The following SPEF2 variants were observed in gnomAD, a reference collection of about 807,000 sequenced individuals.
SPEF2 encodes sperm flagella and cilia-associated protein 2.
A neutral mutation model predicts 224.6 loss-of-function variants in SPEF2; 187 were observed. The observed-to-expected ratio is 0.83, with a 90% CI of 0.74 to 0.94. SPEF2 has a LOEUF of 0.94. Among genes scored for constraint, SPEF2 ranks in the 40% least tolerant of loss-of-function variants. The pLI is 0.00. For synonymous variants in SPEF2, 715 were observed against 707.3 expected (o/e 1.01, Z -0.17); for missense variants, 2,170 against 2,135.6 (o/e 1.02, Z -0.32).
intron 36 of SPEF2, among the ~76,000 whole-genome samples, chr5:35,810,508 C>A (rs1419261500): frequency 1.3e-5 from 2 of 152,168 alleles, no homozygotes; most frequent in African/African-American, 4.8e-5. Context: ...TTATACATTC[C>A]CCTCATTTCT....
intron 21 of SPEF2, among the ~76,000 whole-genome samples, chr5:35,733,138 G>A (rs997337019): frequency 5.3e-5 from 8 of 150,712 alleles, no homozygotes; most frequent in Admixed American, 5.3e-4. Flanking sequence ...TTTTTGAGAT[G>A]GAGTCTCGCT....
rs1367196400 is a variant in SPEF2, at chr5:35,814,495, A to C, written c.5411A>C (p.His1804Pro). The C allele has an allele frequency of 1.2e-6, 2 of 1,608,660 alleles. No individual in the cohort carries two copies. The highest frequency in any genetic ancestry group is 4.5e-5 in the East Asian group (2 of 44,684). Residue 1804 changes from histidine (H) to proline (P), a missense_variant, in exon 37 of 37, where the codon CAT becomes CCT. By Grantham distance (77) the His-to-Pro change is moderately conservative. Coordinates refer to ENST00000356031, the MANE Select transcript of SPEF2 (RefSeq NM_024867.4). ...AAAATAATTCTCCAAAGGAGTGAAC[A>C]TGTACAAGGAAGTGATGGAGAGAGA... ...DIKIILQRSE[H>P]VQGSDGERSP... is the part of the protein sequence containing the mutation.
chr5:35,689,575 T>G (rs1754154976), intron 10 of SPEF2, among the ~76,000 whole-genome samples: 2 of 152,290 alleles, frequency 1.3e-5, no homozygotes, highest in African/African-American at 4.8e-5. Context: ...ACTCAATGTT[T>G]AGCTCTCACT....
chr5:35,744,227 A>G (rs564778365), intron 23 of SPEF2, among the ~76,000 whole-genome samples: 72 of 152,332 alleles, frequency 4.7e-4, no homozygotes, highest in African/African-American at 1.7e-3. Context: ...TTTTGTAAGA[A>G]TAGACATTTA....
intron 19 of SPEF2, chr5:35,710,660 A>C: frequency 2.0e-6 from 2 of 985,182 alleles, no homozygotes; most frequent in Non-Finnish European, 1.2e-6. Flanking sequence ...CTATGACTCT[A>C]GGTTAAAGCT....
chr5:35,647,527 C>T (rs1430130295), intron 5 of SPEF2, among the ~76,000 whole-genome samples: 1 of 152,110 alleles, frequency 6.6e-6, no homozygotes, highest in African/African-American at 2.4e-5. Context: ...AACTCACTTA[C>T]CCCCAGGGAG....
At chr5:35,648,756 A>G (rs771774506) in intron 5 of SPEF2, among the ~76,000 whole-genome samples, 7 of 152,188 alleles carry the variant, frequency 4.6e-5, no homozygotes, top group Non-Finnish European at 1.0e-4. Context: ...CCATTTTTAA[A>G]GAAATATTTG....
At chr5:35,725,068 G>A (rs1317317213) in intron 20 of SPEF2, among the ~76,000 whole-genome samples, 1 of 152,222 alleles carries the variant, frequency 6.6e-6, no homozygotes, top group Non-Finnish European at 1.5e-5. Flanking sequence ...TTTCAGAATA[G>A]TTTTTCAACC....
intron 1 of SPEF2, among the ~76,000 whole-genome samples, chr5:35,618,718 G>A (rs779449014): frequency 1.3e-5 from 2 of 151,974 alleles, no homozygotes; most frequent in Non-Finnish European, 2.9e-5. Context: ...GCCCAAAGCT[G>A]ACCTTATTCA....
chr5:35,700,570 A>G lies in SPEF2; in HGVS notation c.2216A>G (p.Glu739Gly). 6.2e-7 allele frequency: 1 copy of G among 1,613,920 alleles called. No individual in the cohort carries two copies. Among genetic ancestry groups the G allele is most frequent in the Non-Finnish European group, 8.5e-7 (1 of 1,179,960 alleles). ...TTAAACCAAGCACAGCTTCTGGAAG[A>G]AGCTCTTACAGGCTGCAATAGAAAC... ...MTLNQAQLLE[E>G]ALTGCNRNLT... The change falls in exon 16 of 37, where the codon GAA (glutamate) becomes GGA (glycine). Residue 739 changes from glutamate (E) to glycine (G), a missense_variant. Coordinates refer to ENST00000356031, the MANE Select transcript of SPEF2 (RefSeq NM_024867.4).
At chr5:35,740,373 A>G in intron 23 of SPEF2, 106 bp downstream of exon 23, 1 of 1,438,248 alleles carries the variant, frequency 7.0e-7, no homozygotes, top group South Asian at 1.3e-5. Flanking sequence ...TGAGGATGAG[A>G]AAGAAAATGG....
intron 1 of SPEF2, among the ~76,000 whole-genome samples, chr5:35,621,747 G>A (rs1485254768): frequency 2.0e-5 from 3 of 152,178 alleles, no homozygotes; most frequent in African/African-American, 7.2e-5. Flanking sequence ...CCAAGCCTGT[G>A]CATTTGCTGC....
chr5:35,694,413 A>G, intron 13 of SPEF2, 50 bp downstream of exon 13: 2 of 1,471,782 alleles, frequency 1.4e-6, no homozygotes, highest in South Asian at 2.4e-5. Flanking sequence ...GAGAGAAACA[A>G]TGAGAGCACA....
At chr5:35,670,534 G>A in intron 10 of SPEF2, 3 of 1,021,194 alleles carry the variant, frequency 2.9e-6, no homozygotes, top group Middle Eastern at 4.7e-4. Flanking sequence ...ATTTTTCTTT[G>A]TATGGGCTGT....
chr5:35,709,336 G>A (rs1289513129), intron 19 of SPEF2: 3 of 1,378,100 alleles, frequency 2.2e-6, no homozygotes, highest in Non-Finnish European at 2.8e-6. Flanking sequence ...AGGAGACATG[G>A]AGTCATCACA....
At chr5:35,677,206 C>T (rs551737496) in intron 10 of SPEF2, among the ~76,000 whole-genome samples, 1 of 152,114 alleles carries the variant, frequency 6.6e-6, no homozygotes, top group East Asian at 1.9e-4. Flanking sequence ...TCTTACTATC[C>T]CTGGCTAGGT....
Position 35,697,705 on chromosome 5 carries a change from CA to C in SPEF2, c.2054del (p.Gln685ArgfsTer10), listed in dbSNP as rs1755532178. 1 of 1,613,068 alleles carries C rather than the reference CA, an allele frequency of 6.2e-7. No individual in the cohort carries two copies. Among genetic ancestry groups the C allele is most frequent in the South Asian group, 1.1e-5 (1 of 90,982 alleles). ...ATTTTCCCAGCTCACTACACGTGCT[CA>C]GCTTGGTGCAAAATCAGAACAGTTG... ...DSFLKLTTRAQLGAKSEQLLK... is the reference protein window; with the variant it reads ...DSFLKLTTRAXLGAKSEQLLK... On this transcript the variant is annotated frameshift_variant, in exon 15 of 37. Transcript: ENST00000356031. LOFTEE classifies it high-confidence loss of function.
At chr5:35,717,740 T>A in intron 20 of SPEF2, among the ~76,000 whole-genome samples, 1 of 152,226 alleles carries the variant, frequency 6.6e-6, no homozygotes, top group South Asian at 2.1e-4. Context: ...CCGCAAATGA[T>A]GTGAACTTCC....
At chr5:35,766,587 G>C (rs4129892) in intron 26 of SPEF2, among the ~76,000 whole-genome samples, 10,740 of 151,532 alleles carry the variant, frequency 0.071, 436 homozygotes, top group East Asian at 0.11. Flanking sequence ...GTTATACCAG[G>C]CTTTCCAATG....
Sources: allele counts gnomAD v4.1 joint callset (sites outside exome capture counted in the v4.1 genomes callset), GRCh38; gene constraint gnomAD v4.1.1; transcripts MANE v1.5; gene names NCBI Gene and HGNC (gene_info 2026-07-23, HGNC 2026-07-21).